Variants in CPNE1 observed in about 807,000 individuals in gnomAD.
CPNE1 encodes copine-1.
In CPNE1, 58 loss-of-function variants were observed where a neutral mutation model predicts 63.2. The ratio of observed to expected loss-of-function variants is 0.92; its 90% CI spans 0.74 to 1.14. The LOEUF (loss-of-function observed/expected upper bound fraction) is 1.14, where lower values mean the gene tolerates loss of function less well. CPNE1 is among the 50% of genes most tolerant of loss of function. The probability of loss-of-function intolerance (pLI) is 0.00; values close to 1 mark genes in which losing one functional copy is unlikely to be tolerated. For missense variants in CPNE1, 672 were observed against 661.7 expected (o/e 1.02, Z -0.17); for synonymous variants, 237 against 249.0 (o/e 0.95, Z 0.45).
chr20:35,652,538 G>A, intron 1 of CPNE1: 2 of 1,610,920 alleles, frequency 1.2e-6, no homozygotes, highest in Non-Finnish European at 1.7e-6. Flanking sequence ...CCTAATACAA[G>A]TTTTACTTTT....
chr20:35,634,483 C>G (rs2032369204), intron 1 of CPNE1, among the ~76,000 whole-genome samples: 1 of 150,022 alleles, frequency 6.7e-6, no homozygotes, highest in African/African-American at 2.5e-5. Context: ...AATCCTAGCA[C>G]TTTGGGAGGC....
At position 35,627,274 on chromosome 20, in the gene CPNE1, T is replaced by C; in HGVS notation, c.1236+6A>G. 1.3e-6 allele frequency: 2 copies of C among 1,554,658 alleles called. No individual in the cohort carries two copies. Among genetic ancestry groups the C allele is most frequent in the African/African-American group, 1.4e-5 (1 of 69,884 alleles). ...CACCACTGCCACTGCCACCCACGAC[T>C]CTCACCGAGGCAGTCCCCTGATGTG... On this transcript the variant is annotated splice_donor_region_variant and intron_variant, in intron 14 of 15. Transcript: ENST00000397443.
intron 1 of CPNE1, chr20:35,649,558 T>C (rs189394073): frequency 4.1e-4 from 62 of 152,774 alleles, no homozygotes; most frequent in African/African-American, 1.4e-3. Context: ...TACATTTCAC[T>C]TAACACTGTT....
At chr20:35,651,905 C>A (rs2033549444) in intron 1 of CPNE1, 1 of 152,484 alleles carries the variant, frequency 6.6e-6, no homozygotes, top group East Asian at 1.9e-4. Flanking sequence ...AAAAAACCAA[C>A]AAAACAGTTC....
chr20:35,653,253 C>T (rs202192430), intron 1 of CPNE1: 6 of 1,613,504 alleles, frequency 3.7e-6, no homozygotes, highest in Admixed American at 1.7e-5. Context: ...TGGGCATTCC[C>T]GCACCAGGCA....
chr20:35,653,328 T>C (rs1275440730), intron 1 of CPNE1: 13 of 1,613,906 alleles, frequency 8.1e-6, no homozygotes, highest in Admixed American at 1.7e-5. Flanking sequence ...CGGGAAGTCC[T>C]GCACTGGGCA....
chr20:35,641,978 A>T (rs891382335), intron 1 of CPNE1, among the ~76,000 whole-genome samples: 1 of 152,216 alleles, frequency 6.6e-6, no homozygotes, highest in East Asian at 1.9e-4. Flanking sequence ...GGTAAGTTTA[A>T]AACTGTAGAA....
rs201181145 is a variant in CPNE1 at position 35,652,818 on chromosome 20, AGGGCCGGGGCCG to A, written c.-1+11930_-1+11941del. On this transcript the variant is annotated intron_variant, in intron 1 of 15. Transcript: ENST00000397443. The stretch of plus-strand genomic sequence containing the variant: ...GGGGACCACCAATATGGATTGGGCC[AGGGCCGGGGCCG>A]GGGCCGGGGCCAGGCCCAAAAGCTG... The A allele has an allele frequency of 3.3e-4, 532 of 1,602,590 alleles. 1 individual carries two copies. Among genetic ancestry groups the A allele is most frequent in the Middle Eastern group, 1.3e-3 (8 of 5,988 alleles).
intron 1 of CPNE1, chr20:35,658,839 A>ACAC: frequency 1.2e-5 from 8 of 646,274 alleles, no homozygotes; most frequent in Admixed American, 2.3e-5. Flanking sequence ...ACACACACAC[A>ACAC]ATATAGTTGC....
chr20:35,659,154 AAG>A (rs2033320091), intron 1 of CPNE1: 2 of 458,414 alleles, frequency 4.4e-6, no homozygotes, highest in African/African-American at 2.0e-5. Flanking sequence ...AAAAAAAAAA[AAG>A]AAAGACACCG....
chr20:35,661,496 T>C (rs775647968), intron 1 of CPNE1, among the ~76,000 whole-genome samples: 2 of 152,256 alleles, frequency 1.3e-5, no homozygotes, highest in Non-Finnish European at 2.9e-5. Context: ...GGGCCTGATT[T>C]GTCATTAAAG....
chr20:35,652,966 C>A (rs1222919480), intron 1 of CPNE1: 1 of 1,613,750 alleles, frequency 6.2e-7, no homozygotes, highest in Non-Finnish European at 8.5e-7. Context: ...AGGGCCCCCT[C>A]CAAATCCCGA....
intron 1 of CPNE1, among the ~76,000 whole-genome samples, chr20:35,658,136 G>T (rs2034013197): frequency 6.6e-6 from 1 of 152,134 alleles, no homozygotes; most frequent in Admixed American, 6.5e-5. Flanking sequence ...CTGTTTGACA[G>T]CTAAGTCATT....
At chr20:35,640,033 G>A (rs567497504) in intron 1 of CPNE1, among the ~76,000 whole-genome samples, 1 of 152,244 alleles carries the variant, frequency 6.6e-6, no homozygotes, top group East Asian at 1.9e-4. Flanking sequence ...CCCCTAAGGT[G>A]GCCTGGCTTC....
Position 35,637,587 on chromosome 20 carries a change from C to T in CPNE1, c.1-4664G>A, listed in dbSNP as rs1283819583. Among the ~76,000 whole-genome samples the T allele has an allele frequency of 5.5e-5, 8 of 144,732 alleles. No individual in the cohort carries two copies. In the East Asian group the frequency reaches 1.6e-3, roughly 29 times the overall value. The allele number at this position is 144,732 out of a possible 152,430, so 94.9% of individuals were successfully genotyped here. ...ACATTATTCCTTTATGAACCCTTGC[C>T]TGTTTTCCCCAAGGATTTTCTTGTC... On this transcript the variant is annotated intron_variant, in intron 1 of 15. Transcript: ENST00000397443.
intron 1 of CPNE1, among the ~76,000 whole-genome samples, chr20:35,664,017 A>G (rs966122977): frequency 1.3e-5 from 2 of 152,166 alleles, no homozygotes; most frequent in African/African-American, 4.8e-5. Flanking sequence ...CTACTGGGGG[A>G]CCAAAGGCCT....
intron 1 of CPNE1, chr20:35,650,207 CAT>C (rs1291464945): frequency 1.3e-5 from 2 of 152,482 alleles, no homozygotes; most frequent in African/African-American, 4.8e-5. Context: ...TCATATAAAA[CAT>C]AGTTCTCTCC....
At chr20:35,654,235 T>A in intron 1 of CPNE1, 1 of 1,614,234 alleles carries the variant, frequency 6.2e-7, no homozygotes, top group Non-Finnish European at 8.5e-7. Context: ...CAGCATTCTG[T>A]TTCGTTTCAA....
intron 6 of CPNE1, 53 bp downstream of exon 6, chr20:35,631,892 G>C: frequency 6.4e-7 from 1 of 1,569,620 alleles, no homozygotes; most frequent in Non-Finnish European, 8.8e-7. Context: ...CTAGTCACAG[G>C]CCCCAGGAGA....
Sources: gnomAD v4.1 joint callset for allele counts (sites outside exome capture counted in the v4.1 genomes callset) on GRCh38, gnomAD v4.1.1 for gene constraint, MANE v1.5 for transcripts, NCBI Gene and HGNC (gene_info 2026-07-23, HGNC 2026-07-21) for gene names.